Variants in SLC5A4 observed in about 807,000 individuals in gnomAD.
The protein encoded by SLC5A4 is solute carrier family 5 member 4, also known as probable glucose sensor protein SLC5A4.
A neutral mutation model predicts 70.3 loss-of-function variants in SLC5A4; 55 were observed. The ratio of observed to expected loss-of-function variants is 0.78; its 90% CI spans 0.63 to 0.98. The LOEUF (loss-of-function observed/expected upper bound fraction) is 0.98, where lower values mean the gene tolerates loss of function less well. SLC5A4 is among the 50% of genes least tolerant of loss of function. SLC5A4 has a pLI of 0.00. For missense variants in SLC5A4, 735 were observed against 839.2 expected (o/e 0.88, Z 1.53); for synonymous variants, 268 against 305.7 (o/e 0.88, Z 1.29).
At chr22:32,305,406 GAT>G in the SLC5A4 span, among the ~76,000 whole-genome samples, 1 of 145,050 alleles carries the variant, frequency 6.9e-6, no homozygotes, top group Non-Finnish European at 1.5e-5. Context: ...TGCCAGGAAA[GAT>G]ATATTTAACA....
chr22:32,316,629 A>C, the SLC5A4 span, among the ~76,000 whole-genome samples: 1 of 152,046 alleles, frequency 6.6e-6, no homozygotes, highest in South Asian at 2.1e-4. Flanking sequence ...TCTTGGGTTC[A>C]AGCCATTCTC....
At chr22:32,303,379 T>C in the SLC5A4 span, among the ~76,000 whole-genome samples, 42 of 152,222 alleles carry the variant, frequency 2.8e-4, no homozygotes, top group Admixed American at 7.2e-4. Context: ...AGCCAGCCTT[T>C]CACCAAAAAC....
chr22:32,273,194 G>A, the SLC5A4 span: 2 of 364,470 alleles, frequency 5.5e-6, no homozygotes, highest in Non-Finnish European at 1.1e-5. Context: ...TATACTTTCT[G>A]GAAGACCATC....
At chr22:32,219,660 C>T (rs1400251756) in intron 14 of SLC5A4, among the ~76,000 whole-genome samples, 3 of 68,712 alleles carry the variant, frequency 4.4e-5, no homozygotes, top group Admixed American at 3.6e-4. Context: ...AAAGAATAAA[C>T]CTAAATAATG....
At chr22:32,254,119 C>T (rs199842231) in intron 2 of SLC5A4, 23 bp downstream of exon 2, 16 of 1,594,934 alleles carry the variant, frequency 1.0e-5, no homozygotes, top group Middle Eastern at 1.7e-4. Context: ...AAATTTATCT[C>T]CAGAAAACTT....
At chr22:32,326,982 G>C in the SLC5A4 span, among the ~76,000 whole-genome samples, 1 of 152,184 alleles carries the variant, frequency 6.6e-6, no homozygotes, top group Non-Finnish European at 1.5e-5. Context: ...AGGGCCCCGT[G>C]CTGCTGATAA....
At chr22:32,323,435 A>G in the SLC5A4 span, among the ~76,000 whole-genome samples, 4 of 152,318 alleles carry the variant, frequency 2.6e-5, no homozygotes, top group South Asian at 8.3e-4. Flanking sequence ...GAGGCTGGAC[A>G]TGGGTTCAGT....
chr22:32,351,386 A>T, the SLC5A4 span, among the ~76,000 whole-genome samples: 1 of 151,976 alleles, frequency 6.6e-6, no homozygotes, highest in Non-Finnish European at 1.5e-5. Context: ...TCTCTAAAAC[A>T]ATAACGGACC....
chr22:32,270,874 C>A, the SLC5A4 span: 4 of 552,352 alleles, frequency 7.2e-6, no homozygotes, highest in Non-Finnish European at 1.0e-5. Context: ...CCCCGCTGCA[C>A]CATCAGCCCA....
chr22:32,247,081 CT>C (rs1926873523), intron 5 of SLC5A4, among the ~76,000 whole-genome samples: 1 of 152,196 alleles, frequency 6.6e-6, no homozygotes, highest in African/African-American at 2.4e-5. Context: ...CGACCAAGTC[CT>C]TCTCTTTACT....
the SLC5A4 span, among the ~76,000 whole-genome samples, chr22:32,347,371 T>C: frequency 9.2e-5 from 14 of 152,194 alleles, no homozygotes; most frequent in East Asian, 2.5e-3. Context: ...ACCCAAAGGA[T>C]TATAAATCAT....
the SLC5A4 span, among the ~76,000 whole-genome samples, chr22:32,287,343 ACTT>A: frequency 3.3e-5 from 5 of 152,162 alleles, no homozygotes; most frequent in African/African-American, 4.8e-5. Context: ...GGAACAAGGG[ACTT>A]CTTCCTAGAG....
At chr22:32,271,063 C>T in the SLC5A4 span, 3 of 583,012 alleles carry the variant, frequency 5.1e-6, no homozygotes, top group Non-Finnish European at 9.4e-6. Flanking sequence ...TGGGATCCCT[C>T]TTCAGTCCCA....
At chr22:32,322,410 C>T in the SLC5A4 span, among the ~76,000 whole-genome samples, 1 of 151,988 alleles carries the variant, frequency 6.6e-6, no homozygotes, top group East Asian at 1.9e-4. Flanking sequence ...CATGGTGAAA[C>T]CCCATCTCTA....
chr22:32,353,996 C>T, the SLC5A4 span, among the ~76,000 whole-genome samples: 2 of 151,532 alleles, frequency 1.3e-5, no homozygotes, highest in African/African-American at 2.4e-5. Context: ...CCACAGATAG[C>T]GCACCCAACC....
At chr22:32,322,587 A>AAC in the SLC5A4 span, among the ~76,000 whole-genome samples, 1 of 150,334 alleles carries the variant, frequency 6.7e-6, no homozygotes, top group African/African-American at 2.4e-5. Flanking sequence ...CTCTGTCTCA[A>AAC]AAAAAAAAAA....
the SLC5A4 span, among the ~76,000 whole-genome samples, chr22:32,339,348 G>A: frequency 6.6e-6 from 1 of 152,116 alleles, no homozygotes; most frequent in Non-Finnish European, 1.5e-5. Flanking sequence ...CAACCTAAAG[G>A]CTACTTGTGT....
chr22:32,264,216 G>T, the SLC5A4 span, among the ~76,000 whole-genome samples: 2 of 151,758 alleles, frequency 1.3e-5, no homozygotes, highest in African/African-American at 2.4e-5. Flanking sequence ...AAAAGAAATT[G>T]TCGTGAGACC....
the SLC5A4 span, among the ~76,000 whole-genome samples, chr22:32,330,911 G>GTTGGGAGC: frequency 7.6e-6 from 1 of 130,770 alleles, no homozygotes; most frequent in Non-Finnish European, 1.6e-5. Flanking sequence ...CTGTGTGTGT[G>GTTGGGAGC]TGTGTTGGAG....
Sources: gnomAD v4.1 joint callset for allele counts (sites outside exome capture counted in the v4.1 genomes callset) on GRCh38, gnomAD v4.1.1 for gene constraint, MANE v1.5 for transcripts, NCBI Gene and HGNC (gene_info 2026-07-23, HGNC 2026-07-21) for gene names.